The following GPER1 variants were observed in gnomAD, a reference collection of about 807,000 sequenced individuals.
GPER1 encodes the protein G protein-coupled estrogen receptor 1.
GPER1 carries 2 observed loss-of-function variants against 0.6 expected under a neutral mutation model. The observed-to-expected ratio is 3.41, with a 90% CI of 1.39 to 10.72. The LOEUF is 10.72. Ranked by LOEUF, GPER1 falls within the 30% of genes most tolerant of loss-of-function variation. The pLI, the probability that GPER1 is intolerant of heterozygous loss-of-function variation, is 0.04. For missense variants in GPER1, 441 were observed against 535.2 expected (o/e 0.82, Z 1.74); for synonymous variants, 263 against 247.6 (o/e 1.06, Z -0.58).
Position 1,091,541 on chromosome 7 carries a change from T to TC in GPER1, c.-185dup. 1 of 588,970 alleles carries TC rather than the reference T, an allele frequency of 1.7e-6. No homozygotes were observed. 36.5% of individuals were successfully genotyped at this position (588,970 alleles called of 1,614,324 possible). Reference sequence around the variant, plus strand: ...TGCCGGTGTGAGGAGCATCTGTTCTTCCCACTCTCTGCAGTTAACAAACCC... The same window carrying TC: ...TGCCGGTGTGAGGAGCATCTGTTCTTCCCCACTCTCTGCAGTTAACAAACCC... On this transcript the variant is annotated 5_prime_UTR_variant, in exon 2 of 2. An upstream open reading frame in the 5' UTR loses its in-frame stop. Coordinates refer to ENST00000397088, the MANE Select transcript of GPER1 (RefSeq NM_001098201.3).
rs546128910 is a variant in GPER1 at position 1,090,472 on chromosome 7, C to T, written c.-322-935C>T. On this transcript the variant is annotated intron_variant, in intron 1 of 1. Transcript: ENST00000397088. ...CACTCGCAGCAGGGCCAGGGTGACA[C>T]GGGGTGGGTGATGGGACCCTCCCCA... Among the ~76,000 whole-genome samples, 15 of 151,596 alleles carry T rather than the reference C, an allele frequency of 9.9e-5. 1 individual carries two copies. Among genetic ancestry groups the T allele is most frequent in the Middle Eastern group, 3.4e-3 (1 of 292 alleles).
chr7:1,093,209 A>G lies in GPER1; in HGVS notation c.*353A>G. The stretch of plus-strand genomic sequence containing the variant: ...ACATTTCTGACACCGTCGACCAGGA[A>G]AGCCACACGGAGAGGCCACTGTGGG... On this transcript the variant is annotated 3_prime_UTR_variant, in exon 2 of 2. Coordinates refer to ENST00000397088, the MANE Select transcript of GPER1 (RefSeq NM_001098201.3). 1 of 505,588 alleles carries G rather than the reference A, an allele frequency of 2.0e-6. No homozygotes were observed. Among genetic ancestry groups the G allele is most frequent in the South Asian group, 1.5e-5 (1 of 64,770 alleles). The allele number at this position is 505,588 out of a possible 1,614,324, so 31.3% of individuals were successfully genotyped here.
chr7:1,092,687 A>T lies in GPER1; in HGVS notation c.959A>T (p.Asn320Ile). 6.2e-7 allele frequency: 1 copy of T among 1,610,420 alleles called. No homozygotes were observed. The change falls in exon 2 of 2, where the codon AAC becomes ATC. Residue 320 changes from asparagine (N) to isoleucine (I), a missense_variant. By Grantham distance (149) the Asn-to-Ile change is moderately radical. Transcript: ENST00000397088. The stretch of plus-strand genomic sequence containing the variant: ...GCCGCCTTCTCCAACAGCTGCCTAA[A>T]CCCCCTCATCTACAGCTTTCTCGGG... The part of the protein sequence containing the change: ...NLAAFSNSCL[N>I]PLIYSFLGET...
chr7:1,087,970 GC>G, upstream of GPER1: 1 of 152,386 alleles, frequency 6.6e-6, no homozygotes, highest in Admixed American at 6.5e-5. Context: ...TGAGCTGATT[GC>G]CAAAGTGTGG....
intron 1 of GPER1, among the ~76,000 whole-genome samples, chr7:1,090,915 A>C (rs995241764): frequency 1.3e-5 from 2 of 152,184 alleles, no homozygotes; most frequent in Admixed American, 6.5e-5. Flanking sequence ...AAACCGCTGA[A>C]CTTCTGTTTT....
chr7:1,087,426 A>G (rs1466459007), upstream of GPER1, among the ~76,000 whole-genome samples: 1 of 152,238 alleles, frequency 6.6e-6, no homozygotes, highest in African/African-American at 2.4e-5. Flanking sequence ...CTAAATACGA[A>G]ATTCATTTGT....
rs563282404 is a variant in GPER1, at chr7:1,088,830, G to A, written c.-323+509G>A. Among the ~76,000 whole-genome samples the A allele has an allele frequency of 6.6e-6, 1 of 152,132 alleles. No homozygotes were observed. The highest frequency in any genetic ancestry group is 1.9e-4 in the East Asian group (1 of 5,158). ...CTCCATGGCCACCTCCAGTGAGGAC[G>A]TGGGGCCAGTGGTGAATGGCACACT... is the stretch of plus-strand genomic sequence containing the variant. On this transcript the variant is annotated intron_variant, in intron 1 of 1. Transcript: ENST00000397088. This position sits in a 1 kb window ranked among gnomAD's most constrained non-coding sequence, Gnocchi z 4.5.
Position 1,092,874 on chromosome 7 carries a change from G to C in GPER1, c.*18G>C. On this transcript the variant is annotated 3_prime_UTR_variant, in exon 2 of 2. Transcript: ENST00000397088. Reference sequence around the variant, plus strand: ...CCGTGTAGACAGCCTTGGCCGCATAGGCCCAGCCAGGGTGTGACTCGGGAG... The same window carrying C: ...CCGTGTAGACAGCCTTGGCCGCATACGCCCAGCCAGGGTGTGACTCGGGAG... 1 of 1,606,236 alleles carries C rather than the reference G, an allele frequency of 6.2e-7. No individual in the cohort carries two copies. Among genetic ancestry groups the C allele is most frequent in the Non-Finnish European group, 8.5e-7 (1 of 1,175,336 alleles).
chr7:1,090,724 T>G (rs1305760077), intron 1 of GPER1, among the ~76,000 whole-genome samples: 1 of 152,262 alleles, frequency 6.6e-6, no homozygotes, highest in Non-Finnish European at 1.5e-5. Context: ...GGAGGGACTC[T>G]CTCCCTGGAG....
chr7:1,093,228 C>T lies in GPER1; in HGVS notation c.*372C>T, dbSNP rs1200209552. The stretch of plus-strand genomic sequence containing the variant: ...CCAGGAAAGCCACACGGAGAGGCCA[C>T]TGTGGGTGAAGCGCCTCAGTTACAC... On this transcript the variant is annotated 3_prime_UTR_variant, in exon 2 of 2. Transcript: ENST00000397088. 1 of 491,244 alleles carries T rather than the reference C, an allele frequency of 2.0e-6. No homozygotes were observed. The highest frequency in any genetic ancestry group is 4.2e-6 in the Non-Finnish European group (1 of 240,718). 30.4% of individuals were successfully genotyped at this position (491,244 alleles called of 1,614,324 possible). A position where few individuals can be genotyped will look rare whatever the true frequency, so the allele number is the denominator to read the frequency against.
rs200314011 is a variant in GPER1, at chr7:1,092,556, C to A, written c.828C>A (p.Asn276Lys). The change falls in exon 2 of 2, where the codon AAC becomes AAA. Residue 276 changes from asparagine (N) to lysine (K), a missense_variant. By Grantham distance (94) the Asn-to-Lys change is moderately conservative. Transcript: ENST00000397088. ...LVFFVCWLPENVFISVHLLQR... is the reference protein window; with the variant it reads ...LVFFVCWLPEKVFISVHLLQR... ...TCTTCGTCTGCTGGCTGCCGGAGAACGTCTTCATCAGCGTGCACCTCCTGC... is the reference window on the plus strand; with the variant it reads ...TCTTCGTCTGCTGGCTGCCGGAGAAAGTCTTCATCAGCGTGCACCTCCTGC... 1 of 1,609,910 alleles carries A rather than the reference C, an allele frequency of 6.2e-7. No individual in the cohort carries two copies. The highest frequency in any genetic ancestry group is 8.5e-7 in the Non-Finnish European group (1 of 1,179,988).
At chr7:1,087,423 C>T (rs77828003), upstream of GPER1, among the ~76,000 whole-genome samples, 148 of 152,338 alleles carry the variant, frequency 9.7e-4, 1 homozygote, top group African/African-American at 3.4e-3. Context: ...AAGCTAAATA[C>T]GAAATTCATT....
At position 1,093,718 on chromosome 7, in the gene GPER1, C is replaced by T. The variant is rs902152081; in HGVS notation, c.*862C>T. ...CAGAAATAACAGCTGGGGACAACTG[C>T]GGTGATGATGTAAAAACCTTCCCAT... On this transcript the variant is annotated 3_prime_UTR_variant, in exon 2 of 2. Coordinates refer to ENST00000397088, the MANE Select transcript of GPER1 (RefSeq NM_001098201.3). 4.3e-6 allele frequency: 2 copies of T among 465,514 alleles called. No individual in the cohort carries two copies. Among genetic ancestry groups the T allele is most frequent in the Non-Finnish European group, 9.0e-6 (2 of 222,316 alleles). 28.8% of individuals were successfully genotyped at this position (465,514 alleles called of 1,614,324 possible). A position where few individuals can be genotyped will look rare whatever the true frequency, so the allele number is the denominator to read the frequency against.
At chr7:1,091,077 C>A (rs1273586167) in intron 1 of GPER1, among the ~76,000 whole-genome samples, 1 of 152,212 alleles carries the variant, frequency 6.6e-6, no homozygotes, top group Admixed American at 6.5e-5. Flanking sequence ...CCTGGGGCGG[C>A]CGTGCCCATA....
At position 1,091,536 on chromosome 7, in the gene GPER1, G is replaced by A. The variant is rs1787977409; in HGVS notation, c.-193G>A. On this transcript the variant is annotated 5_prime_UTR_variant, in exon 2 of 2. Transcript: ENST00000397088. ...CACCATGCCGGTGTGAGGAGCATCT[G>A]TTCTTCCCACTCTCTGCAGTTAACA... 1 of 580,954 alleles carries A rather than the reference G, an allele frequency of 1.7e-6. No individual in the cohort carries two copies. The highest frequency in any genetic ancestry group is 3.1e-6 in the Non-Finnish European group (1 of 326,248). 36.0% of individuals were successfully genotyped at this position (580,954 alleles called of 1,614,324 possible).
chr7:1,090,463 A>C (rs1004373859), intron 1 of GPER1, among the ~76,000 whole-genome samples: 1 of 149,506 alleles, frequency 6.7e-6, no homozygotes, highest in African/African-American at 2.5e-5. Context: ...CAGCAGGGCC[A>C]GGGTGACACG....
rs1788023181 is a variant in GPER1, at chr7:1,091,890, G to A, written c.162G>A (p.Gln54=). Residue 54 remains glutamine (Q), a synonymous_variant, in exon 2 of 2, where the codon CAG becomes CAA. Coordinates refer to ENST00000397088, the MANE Select transcript of GPER1 (RefSeq NM_001098201.3). ...NGTGELSEHQ[Q]YVIGLFLSCL... ...CAGGTGAGCTCTCGGAGCACCAGCA[G>A]TACGTGATCGGCCTGTTCCTCTCGT... is the stretch of plus-strand genomic sequence containing the variant. 1 of 1,613,976 alleles carries A rather than the reference G, an allele frequency of 6.2e-7. No individual in the cohort carries two copies. The highest frequency in any genetic ancestry group is 1.3e-5 in the African/African-American group (1 of 74,952).
rs1787985961 is a variant in GPER1 at position 1,091,656 on chromosome 7, A to G, written c.-73A>G. 9.1e-7 allele frequency: 1 copy of G among 1,096,188 alleles called. No homozygotes were observed. Among genetic ancestry groups the G allele is most frequent in the Non-Finnish European group, 1.3e-6 (1 of 753,976 alleles). 67.9% of individuals were successfully genotyped at this position (1,096,188 alleles called of 1,614,324 possible). On this transcript the variant is annotated 5_prime_UTR_variant, in exon 2 of 2. Coordinates refer to ENST00000397088, the MANE Select transcript of GPER1 (RefSeq NM_001098201.3). ...CAAGGAGAATCACGCTTCTTTCTAA[A>G]GATGGATTCACCATTTAAAACAGAG...
chr7:1,092,516 C>T lies in GPER1; in HGVS notation c.788C>T (p.Ala263Val), dbSNP rs564861434. 11 of 1,608,090 alleles carry T rather than the reference C, an allele frequency of 6.8e-6. No homozygotes were observed. In the South Asian group the frequency reaches 7.7e-5, roughly 11 times the overall value. Residue 263 changes from alanine to valine, a missense_variant, in exon 2 of 2, where the codon GCG (alanine) becomes GTG (valine). Coordinates refer to ENST00000397088, the MANE Select transcript of GPER1 (RefSeq NM_001098201.3). ...RRQKALRMIL[A>V]VVLVFFVCWL... ...CAGAAGGCGCTCCGCATGATCCTCG[C>T]GGTGGTGCTGGTCTTCTTCGTCTGC...
Sources: allele counts gnomAD v4.1 joint callset (sites outside exome capture counted in the v4.1 genomes callset), GRCh38; gene constraint gnomAD v4.1.1; non-coding constraint Gnocchi (gnomAD v3.1); transcripts MANE v1.5; gene names NCBI Gene and HGNC (gene_info 2026-07-23, HGNC 2026-07-21).